FRMD4A: variants seen among roughly 807,000 people sequenced by gnomAD.
FRMD4A encodes the protein FERM domain-containing protein 4A.
A neutral mutation model predicts 129.1 loss-of-function variants in FRMD4A; 29 were observed. The ratio of observed to expected loss-of-function variants is 0.22; its 90% CI spans 0.17 to 0.31. The LOEUF (loss-of-function observed/expected upper bound fraction) is 0.31. FRMD4A is among the 10% of genes least tolerant of loss of function. The pLI, the probability that FRMD4A is intolerant of heterozygous loss-of-function variation, is 1.00. For missense variants in FRMD4A, 1,272 were observed against 1,375.8 expected, an observed-to-expected ratio of 0.92 and a Z score of 1.19; for synonymous variants, 634 against 571.6, an observed-to-expected ratio of 1.11 and a Z score of -1.56.
At position 13,923,438 on chromosome 10, in the gene FRMD4A, T is replaced by C. The variant is rs546829847; in HGVS notation, c.46-64526A>G. Among the ~76,000 whole-genome samples the C allele has an allele frequency of 4.6e-5, 7 of 152,298 alleles. No individual in the cohort carries two copies. In the South Asian group the frequency reaches 1.2e-3, roughly 27 times the overall value. On this transcript the variant is annotated intron_variant, in intron 2 of 24. Transcript: ENST00000357447. ...TTTAGACTTAGGCTCTGTGGGCAGG[T>C]CCCTTATCTGATGAAAGAGGAAACA...
chr10:13,802,211 T>G (rs2130847923), intron 4 of FRMD4A, among the ~76,000 whole-genome samples: 1 of 152,364 alleles, frequency 6.6e-6, no homozygotes, highest in East Asian at 1.9e-4. Context: ...TTTTAGCTTC[T>G]ACATATAAAA....
At chr10:14,123,942 C>T (rs1251187131) in intron 2 of FRMD4A, among the ~76,000 whole-genome samples, 1 of 152,148 alleles carries the variant, frequency 6.6e-6, no homozygotes, top group Non-Finnish European at 1.5e-5. Context: ...CATTCTGCAA[C>T]CCATTTGCTC....
rs193019039 is a variant in FRMD4A, at chr10:14,141,749, T to A, written c.45+188309A>T. Among the ~76,000 whole-genome samples the A allele has an allele frequency of 5.3e-5, 8 of 152,296 alleles. No individual in the cohort carries two copies. In the East Asian group the frequency reaches 1.4e-3, roughly 26 times the overall value. ...ACTGCACCTGGTGGTTGCTTCCACT[T>A]TCTTCTCTCCAGCACTTCTCACCAT... On this transcript the variant is annotated intron_variant, in intron 2 of 24. Transcript: ENST00000357447.
rs1388202765 is a variant in FRMD4A, at chr10:13,868,620, T to G, written c.46-9708A>C. 3.3e-5 allele frequency among the ~76,000 whole-genome samples: 5 copies of G among 152,192 alleles called. No homozygotes were observed. In the East Asian group the frequency reaches 5.8e-4, roughly 18 times the overall value. On this transcript the variant is annotated intron_variant, in intron 2 of 24. Coordinates refer to ENST00000357447, the MANE Select transcript of FRMD4A (RefSeq NM_018027.5). ...GAGTTTGAGACCTGCCTGGGCAACATGGCAAAACCCAAAAACAACAATATG... is the reference window on the plus strand; with the variant it reads ...GAGTTTGAGACCTGCCTGGGCAACAGGGCAAAACCCAAAAACAACAATATG...
intron 2 of FRMD4A, among the ~76,000 whole-genome samples, chr10:14,279,005 T>C (rs1845430407): frequency 6.6e-6 from 1 of 152,150 alleles, no homozygotes; most frequent in Non-Finnish European, 1.5e-5. Flanking sequence ...GTATGGACAC[T>C]GCTTTTCTCT....
At chr10:14,281,966 G>C (rs1049767202) in intron 2 of FRMD4A, among the ~76,000 whole-genome samples, 1 of 152,168 alleles carries the variant, frequency 6.6e-6, no homozygotes, top group African/African-American at 2.4e-5. Flanking sequence ...AAGAAAAAGA[G>C]ATTTAATGGA....
intron 2 of FRMD4A, among the ~76,000 whole-genome samples, chr10:13,893,896 G>A (rs1296309979): frequency 1.3e-5 from 2 of 152,050 alleles, no homozygotes; most frequent in African/African-American, 2.4e-5. Flanking sequence ...CCTGCTTTCC[G>A]CCTTGGCCAC....
intron 15 of FRMD4A, among the ~76,000 whole-genome samples, chr10:13,688,632 A>G (rs915148424): frequency 7.9e-5 from 12 of 152,190 alleles, no homozygotes; most frequent in Non-Finnish European, 1.8e-4. Context: ...CAAAATCTAC[A>G]GTCAACTATG....
intron 2 of FRMD4A, among the ~76,000 whole-genome samples, chr10:14,298,186 G>GA (rs35536701): frequency 1.9e-4 from 28 of 148,968 alleles, no homozygotes; most frequent in African/African-American, 7.0e-4. Flanking sequence ...GCCCTTTGCA[G>GA]AAAAAAATTG....
intron 2 of FRMD4A, among the ~76,000 whole-genome samples, chr10:14,036,019 G>A (rs1294541761): frequency 6.9e-6 from 1 of 145,954 alleles, no homozygotes; most frequent in African/African-American, 2.5e-5. Context: ...TCCAGCATGG[G>A]CAACAAGAGT....
At chr10:14,016,089 G>A (rs529257305) in intron 2 of FRMD4A, among the ~76,000 whole-genome samples, 45 of 152,342 alleles carry the variant, frequency 3.0e-4, no homozygotes, top group African/African-American at 1.0e-3. Context: ...TGAGGCGTCT[G>A]TGGTGAAGTG....
chr10:13,701,609 A>G (rs1005987418), intron 13 of FRMD4A, 131 bp from the exon 14 acceptor site: 7 of 752,140 alleles, frequency 9.3e-6, no homozygotes, highest in Non-Finnish European at 1.3e-5. Flanking sequence ...GAGCTCTCAC[A>G]TACACCTAGG....
chr10:13,753,541 ATTTTTTTTTT>A (rs35813128), intron 8 of FRMD4A, among the ~76,000 whole-genome samples: 24 of 115,268 alleles, frequency 2.1e-4, no homozygotes, highest in Middle Eastern at 5.0e-3. Flanking sequence ...GTACCTTTCT[ATTTTTTTTTT>A]TTTTTTTTTT....
chr10:13,833,590 A>G (rs7899777), intron 3 of FRMD4A, among the ~76,000 whole-genome samples: 128,012 of 152,034 alleles, frequency 0.84, 54,093 homozygotes, highest in East Asian at 0.98. Flanking sequence ...CTCCTTACTG[A>G]CTGTGTGGCT....
intron 2 of FRMD4A, among the ~76,000 whole-genome samples, chr10:14,051,788 T>C (rs7902093): frequency 0.05 from 7,594 of 152,198 alleles, 312 homozygotes; most frequent in East Asian, 0.13. Context: ...TAAGCGTCTC[T>C]TCAGGAAAGG....
At chr10:13,779,536 C>G (rs776787631) in intron 6 of FRMD4A, among the ~76,000 whole-genome samples, 1 of 152,128 alleles carries the variant, frequency 6.6e-6, no homozygotes, top group African/African-American at 2.4e-5. Flanking sequence ...GGACTTCAGA[C>G]GAGTCCCTGA....
chr10:14,217,096 T>A (rs566969662), intron 2 of FRMD4A, among the ~76,000 whole-genome samples: 1 of 152,352 alleles, frequency 6.6e-6, no homozygotes, highest in Admixed American at 6.5e-5. Context: ...GTCACTATAC[T>A]TGATTCAGTT....
chr10:13,830,737 C>T (rs1039509152), intron 3 of FRMD4A, among the ~76,000 whole-genome samples: 2 of 152,164 alleles, frequency 1.3e-5, no homozygotes, highest in African/African-American at 4.8e-5. Context: ...TTCCATGTCA[C>T]GCAGCATCCC....
chr10:14,177,451 G>C (rs748586955), intron 2 of FRMD4A, among the ~76,000 whole-genome samples: 5 of 152,178 alleles, frequency 3.3e-5, no homozygotes, highest in Non-Finnish European at 2.9e-5. Flanking sequence ...GGGATTATAG[G>C]TGTCAGCCAC....
Sources: allele counts gnomAD v4.1 joint callset (sites outside exome capture counted in the v4.1 genomes callset), GRCh38; gene constraint gnomAD v4.1.1; transcripts MANE v1.5; gene names NCBI Gene and HGNC (gene_info 2026-07-23, HGNC 2026-07-21).